Variants in TAFA4 observed in about 807,000 individuals in gnomAD.
The protein encoded by TAFA4 is chemokine-like protein TAFA-4.
A neutral mutation model predicts 21.1 loss-of-function variants in TAFA4; 20 were observed. The ratio of observed to expected loss-of-function variants is 0.95; its 90% CI spans 0.67 to 1.38. TAFA4 has a LOEUF of 1.38. TAFA4 is among the 40% of genes most tolerant of loss of function. The pLI is 0.00. For synonymous variants in TAFA4, 71 were observed against 67.4 expected (o/e 1.05, Z -0.26); for missense variants, 211 against 180.9 (o/e 1.17, Z -0.95).
chr3:68,803,392 T>C (rs78565864), intron 3 of TAFA4, among the ~76,000 whole-genome samples: 13,223 of 152,270 alleles, frequency 0.087, 705 homozygotes, highest in African/African-American at 0.14. Flanking sequence ...CGACATCCAC[T>C]GGTCCTTAAT....
intron 3 of TAFA4, among the ~76,000 whole-genome samples, chr3:68,815,676 G>C (rs1241478317): frequency 2.0e-5 from 3 of 152,202 alleles, no homozygotes; most frequent in Non-Finnish European, 4.4e-5. Context: ...AGGTGCTGGA[G>C]AGGATGTGGA....
At chr3:68,784,895 T>G (rs1029344730) in intron 3 of TAFA4, among the ~76,000 whole-genome samples, 2 of 152,058 alleles carry the variant, frequency 1.3e-5, no homozygotes, top group African/African-American at 4.8e-5. Flanking sequence ...TCCCAAAGGT[T>G]CTCCAAGTCC....
chr3:68,785,334 T>G (rs919791483), intron 3 of TAFA4, among the ~76,000 whole-genome samples: 1 of 152,188 alleles, frequency 6.6e-6, no homozygotes. Context: ...CCTTGGGTGG[T>G]CGATGGGACT....
intron 3 of TAFA4, among the ~76,000 whole-genome samples, chr3:68,758,567 G>A (rs1237348269): frequency 6.6e-6 from 1 of 152,192 alleles, no homozygotes. Flanking sequence ...GGAACTGTGA[G>A]TCCATTAAAC....
intron 1 of TAFA4, among the ~76,000 whole-genome samples, chr3:68,915,801 T>C (rs970629709): frequency 8.5e-5 from 13 of 152,208 alleles, no homozygotes; most frequent in Non-Finnish European, 1.5e-4. Flanking sequence ...ATGAAATCCA[T>C]ATTAGAATTA....
At chr3:68,907,031 C>CAAA (rs34543200) in intron 1 of TAFA4, among the ~76,000 whole-genome samples, 7 of 53,916 alleles carry the variant, frequency 1.3e-4, no homozygotes, top group African/African-American at 3.8e-4. Flanking sequence ...GAGCCCGTCT[C>CAAA]AAAAAAAAAA....
chr3:68,827,321 T>C (rs1047003914), intron 3 of TAFA4, among the ~76,000 whole-genome samples: 2 of 152,172 alleles, frequency 1.3e-5, no homozygotes, highest in East Asian at 3.8e-4. Context: ...GTCTTTGCTA[T>C]TATGAATAGT....
intron 1 of TAFA4, among the ~76,000 whole-genome samples, chr3:68,929,784 C>G (rs908361214): frequency 6.6e-6 from 1 of 152,152 alleles, no homozygotes; most frequent in African/African-American, 2.4e-5. Context: ...TATAGAAATA[C>G]CCAAAACTCT....
chr3:68,836,733 T>C (rs1485223195), intron 3 of TAFA4, among the ~76,000 whole-genome samples: 2 of 150,292 alleles, frequency 1.3e-5, no homozygotes, highest in Non-Finnish European at 2.9e-5. Flanking sequence ...GATTTATTAC[T>C]AATTTGGAAC....
intron 1 of TAFA4, among the ~76,000 whole-genome samples, chr3:68,886,382 A>G (rs1021458149): frequency 5.9e-5 from 9 of 152,184 alleles, no homozygotes; most frequent in African/African-American, 2.2e-4. Flanking sequence ...CAACTTGAAA[A>G]TGTTCATCTC....
chr3:68,777,863 T>C (rs1468153947), intron 3 of TAFA4, among the ~76,000 whole-genome samples: 1 of 152,186 alleles, frequency 6.6e-6, no homozygotes, highest in Non-Finnish European at 1.5e-5. Context: ...TAACATGCTG[T>C]CCAGGTTTGT....
intron 1 of TAFA4, among the ~76,000 whole-genome samples, chr3:68,928,211 A>T (rs1480500712): frequency 6.6e-6 from 1 of 152,246 alleles, no homozygotes; most frequent in Non-Finnish European, 1.5e-5. Flanking sequence ...GAAAATCAGT[A>T]GTTCATCCAT....
rs552898733 is a variant in TAFA4, at chr3:68,753,556, G to A, written c.131-538C>T. 1.2e-4 allele frequency among the ~76,000 whole-genome samples: 19 copies of A among 152,006 alleles called. No individual in the cohort carries two copies. In the East Asian group the frequency reaches 2.3e-3, roughly 19 times the overall value. ...TCACAATGTTGGCCAAACTGGTCTC[G>A]AACTCCTGACCTCAAGTGATCTGCC... On this transcript the variant is annotated intron_variant, in intron 3 of 5. Coordinates refer to ENST00000295569, the MANE Select transcript of TAFA4 (RefSeq NM_182522.5).
chr3:68,856,630 G>A (rs1048886196), intron 3 of TAFA4, among the ~76,000 whole-genome samples: 1 of 152,098 alleles, frequency 6.6e-6, no homozygotes, highest in Non-Finnish European at 1.5e-5. Flanking sequence ...CAGGAACCTT[G>A]AGATAAAAAG....
chr3:68,863,046 G>A (rs1208351888), intron 3 of TAFA4, among the ~76,000 whole-genome samples: 2 of 136,478 alleles, frequency 1.5e-5, no homozygotes, highest in Non-Finnish European at 3.1e-5. Context: ...CCAGACTGGG[G>A]AACATAGGAA....
At chr3:68,857,128 T>C (rs975096117) in intron 3 of TAFA4, among the ~76,000 whole-genome samples, 8 of 152,182 alleles carry the variant, frequency 5.3e-5, no homozygotes, top group Admixed American at 2.6e-4. Flanking sequence ...GTTATCCTTA[T>C]ATGTTCGAAA....
intron 3 of TAFA4, among the ~76,000 whole-genome samples, chr3:68,831,486 C>A (rs1704390079): frequency 1.3e-5 from 2 of 151,592 alleles, no homozygotes; most frequent in Non-Finnish European, 3.0e-5. Flanking sequence ...GTTGGAAATT[C>A]TTTTAAGAAT....
In TAFA4 at chr3:68,783,675, G is replaced by C. The variant is rs1016041177; in HGVS notation, c.131-30657C>G. On this transcript the variant is annotated intron_variant, in intron 3 of 5. Transcript: ENST00000295569. ...GAAAAATCACAGACACACACACACA[G>C]AGAGAGAGAGAGAGAGAGAGAGAGA... Among the ~76,000 whole-genome samples, 487 of 108,678 alleles carry C rather than the reference G, an allele frequency of 4.5e-3. 4 individuals carry two copies. The highest frequency in any genetic ancestry group is 0.031 in the Middle Eastern group (7 of 228). 71.3% of individuals were successfully genotyped at this position (108,678 alleles called of 152,430 possible).
At chr3:68,899,884 CAT>C (rs1256776350) in intron 1 of TAFA4, among the ~76,000 whole-genome samples, 1 of 152,028 alleles carries the variant, frequency 6.6e-6, no homozygotes, top group South Asian at 2.1e-4. Context: ...TGCAGTGTAA[CAT>C]AAAAATTAAT....
Sources: gnomAD v4.1 joint callset for allele counts (sites outside exome capture counted in the v4.1 genomes callset) on GRCh38, gnomAD v4.1.1 for gene constraint, MANE v1.5 for transcripts, NCBI Gene and HGNC (gene_info 2026-07-23, HGNC 2026-07-21) for gene names.